The following EPB41L1 variants were observed in gnomAD, a reference collection of about 807,000 sequenced individuals.
EPB41L1 encodes band 4.1-like protein 1.
A neutral mutation model predicts 97.8 loss-of-function variants in EPB41L1; 29 were observed. The ratio of observed to expected loss-of-function variants is 0.30; its 90% CI spans 0.22 to 0.40. EPB41L1 has a LOEUF of 0.40. Among genes scored for constraint, EPB41L1 ranks in the 10% least tolerant of loss-of-function variants. The pLI is 1.00. For missense variants in EPB41L1, 812 were observed against 1,162.3 expected, an observed-to-expected ratio of 0.70 and a Z score of 4.38; for synonymous variants, 383 against 459.2, an observed-to-expected ratio of 0.83 and a Z score of 2.12.
chr20:36,200,277 C>T (rs1163827759), intron 14 of EPB41L1, among the ~76,000 whole-genome samples: 1 of 152,166 alleles, frequency 6.6e-6, no homozygotes, highest in Non-Finnish European at 1.5e-5. Context: ...AGCACTTTCT[C>T]AACTGGAAGG....
chr20:36,107,548 G>A (rs2058235628), intron 1 of EPB41L1, among the ~76,000 whole-genome samples: 2 of 149,376 alleles, frequency 1.3e-5, no homozygotes, highest in Admixed American at 6.7e-5. Flanking sequence ...TCATAAAGGC[G>A]GCTGGGCATG....
chr20:36,173,984 T>A, intron 2 of EPB41L1, 30 bp downstream of exon 2: 2 of 1,596,352 alleles, frequency 1.3e-6, no homozygotes, highest in Non-Finnish European at 8.5e-7. Flanking sequence ...GGCGTACCTT[T>A]CCTGCCCAGA....
chr20:36,178,106 G>A (rs1208814881), intron 4 of EPB41L1, 50 bp downstream of exon 4: 15 of 1,399,934 alleles, frequency 1.1e-5, no homozygotes, highest in Non-Finnish European at 1.5e-5. Flanking sequence ...TTAGGCTCCT[G>A]TAATCCTGGC....
chr20:36,143,273 G>A (rs761916558), intron 2 of EPB41L1, among the ~76,000 whole-genome samples: 5 of 151,302 alleles, frequency 3.3e-5, no homozygotes, highest in Non-Finnish European at 4.4e-5. Context: ...GACCAGGCTC[G>A]CTCTTTTCTA....
In EPB41L1 at chr20:36,190,677, C is replaced by A; in HGVS notation, c.1180C>A (p.Arg394=). Residue 394 remains arginine, a synonymous_variant, in exon 11 of 22, where the codon CGG becomes AGG. Transcript: ENST00000338074. This position sits in a 1 kb window ranked among gnomAD's most constrained non-coding sequence, Gnocchi z 5.8. ...CTTCCTGGTGATGGGCTCCAAGTTC[C>A]GGTACAGTGGGAGGACCCAGGCACA... The part of the protein sequence containing the change: ...KGFLVMGSKF[R]YSGRTQAQTR... 3 of 1,614,034 alleles carry A rather than the reference C, an allele frequency of 1.9e-6. No individual in the cohort carries two copies. Among genetic ancestry groups the A allele is most frequent in the Non-Finnish European group, 2.5e-6 (3 of 1,180,018 alleles).
chr20:36,143,062 C>T (rs373154098), intron 2 of EPB41L1, among the ~76,000 whole-genome samples: 8 of 152,008 alleles, frequency 5.3e-5, no homozygotes, highest in East Asian at 1.9e-4. Flanking sequence ...TAACTCCTGC[C>T]GGTTCCGAGT....
At chr20:36,094,764 G>A (rs1306086823) in intron 1 of EPB41L1, among the ~76,000 whole-genome samples, 1 of 152,088 alleles carries the variant, frequency 6.6e-6, no homozygotes, top group East Asian at 1.9e-4. Flanking sequence ...CAGAATCCCG[G>A]GACATGGGAA....
At chr20:36,136,283 G>T (rs1374164234) in intron 2 of EPB41L1, among the ~76,000 whole-genome samples, 4 of 150,394 alleles carry the variant, frequency 2.7e-5, no homozygotes, top group Non-Finnish European at 5.9e-5. Flanking sequence ...CGATCCTCCC[G>T]CCTCAGCCTC....
intron 1 of EPB41L1, among the ~76,000 whole-genome samples, chr20:36,167,018 T>G (rs549601174): frequency 6.6e-6 from 1 of 152,264 alleles, no homozygotes; most frequent in African/African-American, 2.4e-5. Flanking sequence ...ATTGTTACCC[T>G]TAACAATGGT....
Position 36,138,217 on chromosome 20 carries a change from T to C in EPB41L1, c.-10+25737T>C, listed in dbSNP as rs76479721. Among the ~76,000 whole-genome samples, 354 of 152,266 alleles carry C rather than the reference T, an allele frequency of 2.3e-3. 1 individual carries two copies. Among genetic ancestry groups the C allele is most frequent in the African/African-American group, 7.9e-3 (328 of 41,572 alleles). On this transcript the variant is annotated intron_variant, in intron 2 of 19. Coordinates refer to the EPB41L1 transcript ENST00000202028. Reference sequence around the variant, plus strand: ...TTTGACACCTTGCTTTCAATTATTTTGGATATAGCCTCAGAAGTGGAATTG... The same window carrying C: ...TTTGACACCTTGCTTTCAATTATTTCGGATATAGCCTCAGAAGTGGAATTG...
chr20:36,123,116 C>A lies in EPB41L1; in HGVS notation c.-10+10636C>A, dbSNP rs148340343. Among the ~76,000 whole-genome samples, 1,450 of 151,994 alleles carry A rather than the reference C, an allele frequency of 9.5e-3. 23 individuals carry two copies. Among genetic ancestry groups the A allele is most frequent in the African/African-American group, 0.033 (1,386 of 41,418 alleles). ...TTTCTCTAGGCCCCCTCCCATGCTC[C>A]ACTTACCCTGAGACCATAATTGACT... On this transcript the variant is annotated intron_variant, in intron 2 of 19. Coordinates refer to the EPB41L1 transcript ENST00000202028.
chr20:36,169,625 C>G (rs2060896189), intron 1 of EPB41L1, among the ~76,000 whole-genome samples: 1 of 152,208 alleles, frequency 6.6e-6, no homozygotes, highest in Admixed American at 6.5e-5. Flanking sequence ...TCCTCTCTAT[C>G]CCCTGCCCAA....
chr20:36,188,952 TACA>T (rs1322585771), intron 9 of EPB41L1, among the ~76,000 whole-genome samples: 1 of 151,628 alleles, frequency 6.6e-6, no homozygotes, highest in African/African-American at 2.4e-5. Flanking sequence ...GATAAATGAA[TACA>T]TGTCTGTGTA....
At chr20:36,126,646 G>C (rs1470696846) in intron 2 of EPB41L1, among the ~76,000 whole-genome samples, 1 of 152,186 alleles carries the variant, frequency 6.6e-6, no homozygotes, top group Admixed American at 6.5e-5. Flanking sequence ...GATTACAGGC[G>C]TGAGCCACCG....
intron 2 of EPB41L1, among the ~76,000 whole-genome samples, chr20:36,129,530 C>T (rs913462898): frequency 7.9e-5 from 12 of 152,080 alleles, no homozygotes; most frequent in Non-Finnish European, 1.0e-4. Flanking sequence ...CATTGGGTCA[C>T]TAGCGGGTCC....
intron 1 of EPB41L1, among the ~76,000 whole-genome samples, chr20:36,094,160 G>A: frequency 6.6e-6 from 1 of 152,348 alleles, no homozygotes; most frequent in East Asian, 1.9e-4. Context: ...ATAGTGAACA[G>A]TGAAAATGTA....
intron 2 of EPB41L1, among the ~76,000 whole-genome samples, chr20:36,128,994 A>G (rs961317688): frequency 1.3e-5 from 2 of 152,078 alleles, no homozygotes; most frequent in Non-Finnish European, 2.9e-5. Flanking sequence ...TTCTCAGAAG[A>G]AAAAAGGCTG....
chr20:36,204,026 G>A (rs1442706763), intron 14 of EPB41L1, among the ~76,000 whole-genome samples: 6 of 152,190 alleles, frequency 3.9e-5, no homozygotes, highest in Admixed American at 3.9e-4. Context: ...GCCAGGAGAA[G>A]TTCTGGGCAT....
intron 15 of EPB41L1, among the ~76,000 whole-genome samples, 178 bp downstream of exon 15, chr20:36,210,076 T>C (rs2063046264): frequency 6.6e-6 from 1 of 152,184 alleles, no homozygotes; most frequent in African/African-American, 2.4e-5. Context: ...CATCTCGGTT[T>C]ACCCCTAACA....
Sources: gnomAD v4.1 joint callset for allele counts (sites outside exome capture counted in the v4.1 genomes callset) on GRCh38, gnomAD v4.1.1 for gene constraint, Gnocchi (gnomAD v3.1) non-coding constraint, MANE v1.5 for transcripts, NCBI Gene and HGNC (gene_info 2026-07-23, HGNC 2026-07-21) for gene names.